The following TCERG1L variants were observed in gnomAD, a reference collection of about 807,000 sequenced individuals.
TCERG1L encodes transcription elongation regulator 1 like.
TCERG1L carries 37 observed loss-of-function variants against 56.3 expected under a neutral mutation model. The observed-to-expected ratio is 0.66, with a 90% CI of 0.51 to 0.87. The LOEUF (loss-of-function observed/expected upper bound fraction) is 0.87, where lower values mean the gene tolerates loss of function less well. Among genes scored for constraint, TCERG1L ranks in the 40% least tolerant of loss-of-function variants. The pLI is 0.00. For missense variants in TCERG1L, 799 were observed against 774.2 expected, an observed-to-expected ratio of 1.03 and a Z score of -0.38; for synonymous variants, 324 against 326.3, an observed-to-expected ratio of 0.99 and a Z score of 0.08.
At chr10:131,293,514 C>G (rs1846656158) in intron 3 of TCERG1L, among the ~76,000 whole-genome samples, 1 of 152,010 alleles carries the variant, frequency 6.6e-6, no homozygotes. Context: ...CTGAGATAAC[C>G]CCCCTCCGGC....
intron 4 of TCERG1L, among the ~76,000 whole-genome samples, chr10:131,172,754 C>T (rs973500973): frequency 4.6e-5 from 7 of 152,160 alleles, no homozygotes; most frequent in African/African-American, 9.7e-5. Context: ...AGGAGCCAAC[C>T]GGGAGTCACT....
At chr10:131,261,996 C>T (rs1846241450) in intron 3 of TCERG1L, among the ~76,000 whole-genome samples, 1 of 152,212 alleles carries the variant, frequency 6.6e-6, no homozygotes. Flanking sequence ...TGTGTGGTGC[C>T]TTCCAGGAGC....
intron 4 of TCERG1L, among the ~76,000 whole-genome samples, chr10:131,181,740 T>G (rs1401641160): frequency 6.6e-6 from 1 of 152,252 alleles, no homozygotes; most frequent in Admixed American, 6.5e-5. Flanking sequence ...CCTCGCCTCC[T>G]GAGCACACTC....
chr10:131,116,404 C>T (rs1845459659), intron 9 of TCERG1L, among the ~76,000 whole-genome samples: 2 of 152,158 alleles, frequency 1.3e-5, no homozygotes, highest in Non-Finnish European at 2.9e-5. Context: ...CTCCCTCAGG[C>T]CACCCAGGAC....
At chr10:131,268,210 T>A (rs1846305720) in intron 3 of TCERG1L, among the ~76,000 whole-genome samples, 1 of 152,236 alleles carries the variant, frequency 6.6e-6, no homozygotes, top group African/African-American at 2.4e-5. Flanking sequence ...AGCTGGCATC[T>A]TGGAAGCAGC....
chr10:131,177,909 G>A (rs536758584), intron 4 of TCERG1L, among the ~76,000 whole-genome samples: 10 of 151,442 alleles, frequency 6.6e-5, no homozygotes, highest in African/African-American at 2.4e-4. Context: ...CACAGGAGCC[G>A]TCAGCCTCTC....
At chr10:131,235,537 C>G (rs61861229) in intron 4 of TCERG1L, among the ~76,000 whole-genome samples, 2 of 152,076 alleles carry the variant, frequency 1.3e-5, no homozygotes, top group East Asian at 3.9e-4. Context: ...TATTGATAGG[C>G]AACTACTATA....
intron 8 of TCERG1L, among the ~76,000 whole-genome samples, chr10:131,128,981 C>A (rs1195236689): frequency 6.6e-6 from 1 of 152,166 alleles, no homozygotes; most frequent in African/African-American, 2.4e-5. Context: ...ATGCCCCAGG[C>A]ATGATCTATG....
rs149953715 is a variant in TCERG1L, at chr10:131,124,398, C to T, written c.1260-7464G>A. Among the ~76,000 whole-genome samples the T allele has an allele frequency of 2.5e-4, 38 of 152,346 alleles. No homozygotes were observed. In the East Asian group the frequency reaches 7.0e-3, roughly 28 times the overall value. On this transcript the variant is annotated intron_variant, in intron 8 of 11. Transcript: ENST00000368642. ...CCCACCCCAGCCTTTGTCTTGGCAC[C>T]GCAGACCTTGCCCTTCGGAGCGATG...
At chr10:131,095,364 G>C (rs1177070353) in intron 11 of TCERG1L, 1 of 152,286 alleles carries the variant, frequency 6.6e-6, no homozygotes, top group Non-Finnish European at 1.5e-5. Context: ...GTTCTGGACT[G>C]TCCCGTCGCC....
chr10:131,116,216 T>C (rs1845458116), intron 9 of TCERG1L, among the ~76,000 whole-genome samples: 1 of 152,170 alleles, frequency 6.6e-6, no homozygotes, highest in Non-Finnish European at 1.5e-5. Context: ...AAAGTGAGAT[T>C]TGGAAATCAG....
chr10:131,291,708 G>C lies in TCERG1L; in HGVS notation c.670+16503C>G, dbSNP rs369478660. 5.6e-4 allele frequency among the ~76,000 whole-genome samples: 85 copies of C among 151,620 alleles called. 1 individual carries two copies. In the East Asian group the frequency reaches 0.011, roughly 20 times the overall value. ...CCCAAAGTGCTAGGATTACAGGCGT[G>C]AGCCACCGCGCCCGGCCTCCATAAA... On this transcript the variant is annotated intron_variant, in intron 3 of 11. Transcript: ENST00000368642.
intron 5 of TCERG1L, among the ~76,000 whole-genome samples, chr10:131,164,974 C>T (rs1846016517): frequency 6.6e-6 from 1 of 152,212 alleles, no homozygotes; most frequent in South Asian, 2.1e-4. Flanking sequence ...GGCCCATCTG[C>T]ACTGTGTCAG....
chr10:131,243,351 A>G (rs1020107), intron 4 of TCERG1L, among the ~76,000 whole-genome samples: 18,106 of 152,124 alleles, frequency 0.12, 1,343 homozygotes, highest in Admixed American at 0.26. Flanking sequence ...GGAGGCCGAG[A>G]TGGGTGGATC....
intron 9 of TCERG1L, among the ~76,000 whole-genome samples, chr10:131,110,591 G>A (rs1186558567): frequency 6.6e-6 from 1 of 152,216 alleles, no homozygotes; most frequent in African/African-American, 2.4e-5. Flanking sequence ...GATGGGCCAG[G>A]GTGAGCTCCT....
At chr10:131,210,658 G>A (rs1285182409) in intron 4 of TCERG1L, among the ~76,000 whole-genome samples, 1 of 152,004 alleles carries the variant, frequency 6.6e-6, no homozygotes, top group African/African-American at 2.4e-5. Flanking sequence ...CCGCAGGCCC[G>A]CCCTACTGGA....
chr10:131,308,256 A>G lies in TCERG1L; in HGVS notation c.625T>C (p.Ser209Pro). 1 of 1,613,968 alleles carries G rather than the reference A, an allele frequency of 6.2e-7. No homozygotes were observed. Residue 209 changes from serine to proline, a missense_variant, in exon 3 of 12, where the codon TCC becomes CCC. Transcript: ENST00000368642. Reference sequence around the variant, plus strand: ...AACACCACCGTGGGGAGCGGCCTGGAGGCAGGAGCCGGCCTGGACAGAGAC... The same window carrying G: ...AACACCACCGTGGGGAGCGGCCTGGGGGCAGGAGCCGGCCTGGACAGAGAC... ...AVSLSRPAPASRPLPTVVLAP... is the reference protein window; with the variant it reads ...AVSLSRPAPAPRPLPTVVLAP...
intron 4 of TCERG1L, among the ~76,000 whole-genome samples, chr10:131,216,511 T>A (rs570588233): frequency 6.6e-6 from 1 of 152,310 alleles, no homozygotes; most frequent in East Asian, 1.9e-4. Flanking sequence ...GATTTTAACA[T>A]CTCATCCTTA....
At position 131,260,126 on chromosome 10, in the gene TCERG1L, C is replaced by T. The variant is rs1218045545; in HGVS notation, c.856+133G>A. 1.8e-5 allele frequency: 22 copies of T among 1,233,124 alleles called. No homozygotes were observed. In the South Asian group the frequency reaches 3.7e-4, roughly 21 times the overall value. 76.4% of individuals were successfully genotyped at this position (1,233,124 alleles called of 1,614,324 possible). A position where few individuals can be genotyped will look rare whatever the true frequency, so the allele number is the denominator to read the frequency against. On this transcript the variant is annotated intron_variant, in intron 4 of 11. Coordinates refer to ENST00000368642, the MANE Select transcript of TCERG1L (RefSeq NM_174937.4). The surrounding 1 kb of genome is among the most constrained non-coding windows in gnomAD (Gnocchi z 5.8). ...CAAGCAAAGCCCAAACGGCCCCAGCCGAATGTTTCCCTCAACCGGAGCCGG... is the reference window on the plus strand; with the variant it reads ...CAAGCAAAGCCCAAACGGCCCCAGCTGAATGTTTCCCTCAACCGGAGCCGG...
Sources: allele counts gnomAD v4.1 joint callset (sites outside exome capture counted in the v4.1 genomes callset), GRCh38; gene constraint gnomAD v4.1.1; non-coding constraint Gnocchi (gnomAD v3.1); transcripts MANE v1.5; gene names NCBI Gene and HGNC (gene_info 2026-07-23, HGNC 2026-07-21).